BST1: variants seen among roughly 807,000 people sequenced by gnomAD.
BST1 encodes the protein ADP-ribosyl cyclase/cyclic ADP-ribose hydrolase 2.
In BST1, 49 loss-of-function variants were observed where a neutral mutation model predicts 40.6. The ratio of observed to expected loss-of-function variants is 1.21; its 90% CI spans 0.96 to 1.53. The LOEUF is 1.53. Ranked by LOEUF, BST1 falls within the 40% of genes most tolerant of loss-of-function variation. The probability of loss-of-function intolerance (pLI) is 0.00; values close to 1 mark genes in which losing one functional copy is unlikely to be tolerated. For synonymous variants in BST1, 157 were observed against 159.3 expected (o/e 0.99, Z 0.11); for missense variants, 423 against 395.9 (o/e 1.07, Z -0.58).
chr4:15,748,489 G>A, the BST1 span, among the ~76,000 whole-genome samples: 4 of 152,128 alleles, frequency 2.6e-5, no homozygotes, highest in Non-Finnish European at 5.9e-5. Flanking sequence ...CATTTCATAG[G>A]CAAAGATGTC....
chr4:15,759,173 C>T, the BST1 span, among the ~76,000 whole-genome samples: 7 of 152,052 alleles, frequency 4.6e-5, no homozygotes, highest in South Asian at 2.1e-4. Flanking sequence ...ATCTCAGGGA[C>T]GGAGAAGGAC....
intron 4 of BST1, among the ~76,000 whole-genome samples, chr4:15,714,537 G>C (rs983452257): frequency 6.6e-6 from 1 of 152,146 alleles, no homozygotes; most frequent in Non-Finnish European, 1.5e-5. Context: ...ACTAATGGCT[G>C]GTTAAGATTT....
downstream of BST1, among the ~76,000 whole-genome samples, chr4:15,734,870 C>T (rs144398071): frequency 9.0e-3 from 1,366 of 152,214 alleles, 22 homozygotes; most frequent in Non-Finnish European, 0.012. Context: ...CAGGCAGGAG[C>T]GGGAACCAGG....
downstream of BST1, among the ~76,000 whole-genome samples, chr4:15,742,391 T>C (rs1217050011): frequency 6.6e-6 from 1 of 152,204 alleles, no homozygotes; most frequent in African/African-American, 2.4e-5. Flanking sequence ...TGGCTTCCCC[T>C]ACTGCCATGT....
At chr4:15,726,135 A>AATTTT (rs1577591659) in intron 8 of BST1, among the ~76,000 whole-genome samples, 1 of 116,680 alleles carries the variant, frequency 8.6e-6, no homozygotes. Context: ...TAACTTTTAA[A>AATTTT]GTTTTTTTTT....
At chr4:15,728,689 C>T (rs983314711) in intron 8 of BST1, among the ~76,000 whole-genome samples, 1 of 145,260 alleles carries the variant, frequency 6.9e-6, no homozygotes, top group Non-Finnish European at 1.5e-5. Flanking sequence ...GTCACCCAGG[C>T]TAGAGTTCAG....
At chr4:15,757,919 G>T in the BST1 span, among the ~76,000 whole-genome samples, 1 of 152,060 alleles carries the variant, frequency 6.6e-6, no homozygotes, top group Admixed American at 6.6e-5. Flanking sequence ...TGGGATTACA[G>T]GCATGAGCCA....
intron 3 of BST1, among the ~76,000 whole-genome samples, chr4:15,711,518 C>G (rs527481557): frequency 3.1e-4 from 47 of 152,284 alleles, no homozygotes; most frequent in African/African-American, 9.9e-4. Flanking sequence ...AGCTAATACA[C>G]TGATGCTCAG....
chr4:15,707,422 G>T (rs1159096119), intron 2 of BST1, 89 bp from the exon 3 acceptor site: 1 of 1,517,416 alleles, frequency 6.6e-7, no homozygotes, highest in Admixed American at 1.7e-5. Context: ...ATGAGAACTG[G>T]ATTGCCCAAC....
At chr4:15,743,731 A>G in the BST1 span, 1 of 164,316 alleles carries the variant, frequency 6.1e-6, no homozygotes, top group Non-Finnish European at 1.3e-5. Flanking sequence ...CCCCTCTTGT[A>G]TCCCAACTCT....
At chr4:15,747,780 CT>C in the BST1 span, among the ~76,000 whole-genome samples, 21 of 152,182 alleles carry the variant, frequency 1.4e-4, no homozygotes, top group Non-Finnish European at 2.9e-4. Context: ...TGTGATCTTC[CT>C]TCCTCAGTCT....
At chr4:15,764,873 G>GGTGT in the BST1 span, among the ~76,000 whole-genome samples, 191 of 137,458 alleles carry the variant, frequency 1.4e-3, no homozygotes, top group Non-Finnish European at 2.0e-3. Context: ...AATTAGGTGA[G>GGTGT]GTGTGTGTGT....
At chr4:15,736,027 T>C (rs1721548770), downstream of BST1, 2 of 1,250,132 alleles carry the variant, frequency 1.6e-6, no homozygotes, top group Middle Eastern at 2.2e-4. Flanking sequence ...TTCTATGTGT[T>C]TTTATGCACA....
At chr4:15,767,694 TG>T in the BST1 span, among the ~76,000 whole-genome samples, 1 of 133,650 alleles carries the variant, frequency 7.5e-6, no homozygotes, top group Admixed American at 7.3e-5. Flanking sequence ...AACACTTTAT[TG>T]TTTTTTTGGG....
intron 7 of BST1, among the ~76,000 whole-genome samples, chr4:15,721,963 C>G (rs1720832842): frequency 6.6e-6 from 1 of 152,098 alleles, no homozygotes; most frequent in Non-Finnish European, 1.5e-5. Flanking sequence ...TCTAGGCTTG[C>G]CTCCTACCTA....
downstream of BST1, among the ~76,000 whole-genome samples, chr4:15,740,875 G>A (rs1484803656): frequency 6.6e-6 from 1 of 151,942 alleles, no homozygotes; most frequent in Non-Finnish European, 1.5e-5. Flanking sequence ...TTCTGTAAAA[G>A]GTGAAGTAAT....
chr4:15,729,951 A>G (rs1188088879), intron 8 of BST1, among the ~76,000 whole-genome samples: 1 of 152,220 alleles, frequency 6.6e-6, no homozygotes, highest in African/African-American at 2.4e-5. Context: ...TTATTAGTGT[A>G]TCTAATTATG....
At chr4:15,730,763 G>A (rs988908911) in intron 8 of BST1, among the ~76,000 whole-genome samples, 1 of 152,174 alleles carries the variant, frequency 6.6e-6, no homozygotes, top group African/African-American at 2.4e-5. Flanking sequence ...GGTTCAGCAT[G>A]CATGTGTTCA....
At chr4:15,714,300 C>A (rs1462621594) in intron 4 of BST1, among the ~76,000 whole-genome samples, 1 of 152,182 alleles carries the variant, frequency 6.6e-6, no homozygotes, top group Non-Finnish European at 1.5e-5. Context: ...CTCTACACCT[C>A]CTTCATTCTA....
Sources: allele counts gnomAD v4.1 joint callset (sites outside exome capture counted in the v4.1 genomes callset), GRCh38; gene constraint gnomAD v4.1.1; transcripts MANE v1.5; gene names NCBI Gene and HGNC (gene_info 2026-07-23, HGNC 2026-07-21).